Variants in PRSS54 observed in about 807,000 individuals in gnomAD.
PRSS54 encodes inactive serine protease 54.
Under a neutral mutation model 19.9 loss-of-function variants are expected in PRSS54, and 16 were observed. The ratio of observed to expected loss-of-function variants is 0.80; its 90% CI spans 0.54 to 1.22. PRSS54 has a LOEUF of 1.22. PRSS54 is among the 50% of genes most tolerant of loss of function. The pLI is 0.00. For missense variants in PRSS54, 444 were observed against 494.8 expected (o/e 0.90, Z 0.97); for synonymous variants, 177 against 195.8 (o/e 0.90, Z 0.80).
intron 6 of PRSS54, 65 bp from the exon 7 acceptor site, chr16:58,280,822 G>T: frequency 7.0e-7 from 1 of 1,418,454 alleles, no homozygotes; most frequent in Non-Finnish European, 9.5e-7. Context: ...ATCTATCCTT[G>T]TGCAATATAC....
At chr16:58,293,360 C>A (rs1171952807) in intron 3 of PRSS54, among the ~76,000 whole-genome samples, 1 of 152,176 alleles carries the variant, frequency 6.6e-6, no homozygotes, top group Non-Finnish European at 1.5e-5. Context: ...TAGAAGCCCC[C>A]TGCTCCCGGG....
Position 58,286,155 on chromosome 16 carries a change from G to T in PRSS54, c.304C>A (p.Pro102Thr), listed in dbSNP as rs1329628706. The T allele has an allele frequency of 2.5e-6, 4 of 1,614,004 alleles. No homozygotes were observed. The highest frequency in any genetic ancestry group is 1.7e-5 in the Admixed American group (1 of 60,006). ...VVIVGISNMD[P>T]SKIAHTEYPV... is the part of the protein sequence containing the mutation. ...TACTCTGTGTGAGCAATCTTGCTAG[G>T]ATCCATGTTACTTATACCCACTATA... is the stretch of plus-strand genomic sequence containing the variant. Residue 102 changes from proline to threonine, a missense_variant, in exon 5 of 7, where the codon CCT becomes ACT. Transcript: ENST00000567164.
intron 4 of PRSS54, among the ~76,000 whole-genome samples, chr16:58,290,014 T>C (rs973101478): frequency 1.3e-5 from 2 of 151,642 alleles, no homozygotes; most frequent in Non-Finnish European, 2.9e-5. Context: ...ACTCTGTGTG[T>C]GTATATACGT....
chr16:58,288,583 G>T (rs938013588), intron 4 of PRSS54, among the ~76,000 whole-genome samples: 2 of 152,312 alleles, frequency 1.3e-5, no homozygotes, highest in South Asian at 4.1e-4. Context: ...GGGCTAGTTG[G>T]CAGTAGCTCT....
rs1395415882 is a variant in PRSS54 at position 58,290,354 on chromosome 16, TG to T, written c.263+604del. Reference sequence around the variant, plus strand: ...TGTTGATTCCCAAAAATGAAGTCACTGGGTCAAAGAGTGAGAAATATTTACC... The same window carrying T: ...TGTTGATTCCCAAAAATGAAGTCACTGGTCAAAGAGTGAGAAATATTTACC... On this transcript the variant is annotated intron_variant, in intron 4 of 6. Coordinates refer to ENST00000567164, the MANE Select transcript of PRSS54 (RefSeq NM_001305173.2). Among the ~76,000 whole-genome samples, 4 of 152,260 alleles carry T rather than the reference TG, an allele frequency of 2.6e-5. No individual in the cohort carries two copies. The East Asian group carries it at 7.7e-4, about 29-fold the overall frequency.
chr16:58,294,635 C>A (rs1473884826), intron 1 of PRSS54, among the ~76,000 whole-genome samples: 2 of 152,212 alleles, frequency 1.3e-5, no homozygotes, highest in African/African-American at 4.8e-5. Flanking sequence ...CCGCCTCAGT[C>A]TCCCAAAGTG....
chr16:58,288,676 AAAT>A (rs1413831988), intron 4 of PRSS54, among the ~76,000 whole-genome samples: 3 of 152,180 alleles, frequency 2.0e-5, no homozygotes, highest in African/African-American at 7.2e-5. Context: ...CATGTGTGTG[AAAT>A]AATGCGTGTA....
Position 58,284,971 on chromosome 16 carries a change from C to T in PRSS54, c.523-250G>A, listed in dbSNP as rs754515016. ...CTGGGATTATAGGCATGCACCACAA[C>T]GCCCAGCTAATTTTGGTATTTTTAA... is the stretch of plus-strand genomic sequence containing the variant. On this transcript the variant is annotated intron_variant, in intron 5 of 6. Coordinates refer to ENST00000567164, the MANE Select transcript of PRSS54 (RefSeq NM_001305173.2). Among the ~76,000 whole-genome samples the T allele has an allele frequency of 2.6e-5, 4 of 152,046 alleles. No individual in the cohort carries two copies. In the East Asian group the frequency reaches 5.8e-4, roughly 22 times the overall value.
At chr16:58,281,259 C>T (rs754105361) in intron 6 of PRSS54, 3 of 161,088 alleles carry the variant, frequency 1.9e-5, no homozygotes, top group Admixed American at 5.7e-5. Flanking sequence ...CTGCCACATA[C>T]ACTTTATCTA....
In PRSS54 at chr16:58,280,207, G is replaced by T. The variant is rs1567510287; in HGVS notation, c.*17C>A. On this transcript the variant is annotated 3_prime_UTR_variant, in exon 7 of 7. Transcript: ENST00000567164. Reference sequence around the variant, plus strand: ...CATTCTCAGTTTACTCTTCAGTTTGGTGGGGTAGCTCCTGGACTAGATACT... The same window carrying T: ...CATTCTCAGTTTACTCTTCAGTTTGTTGGGGTAGCTCCTGGACTAGATACT... The T allele has an allele frequency of 6.3e-7, 1 of 1,588,886 alleles. No homozygotes were observed. The highest frequency in any genetic ancestry group is 8.6e-7 in the Non-Finnish European group (1 of 1,167,398).
intron 3 of PRSS54, among the ~76,000 whole-genome samples, chr16:58,292,836 C>A (rs1965065376): frequency 6.6e-6 from 1 of 152,208 alleles, no homozygotes; most frequent in African/African-American, 2.4e-5. Context: ...TCTGACCTCA[C>A]AAAACCCTTG....
intron 1 of PRSS54, among the ~76,000 whole-genome samples, chr16:58,294,681 A>T (rs1965108648): frequency 6.6e-6 from 1 of 152,196 alleles, no homozygotes; most frequent in South Asian, 2.1e-4. Context: ...TGCCCGGCCA[A>T]TAGCCTGTAT....
At chr16:58,285,279 G>A (rs1820236) in intron 5 of PRSS54, 111,677 of 154,632 alleles carry the variant, frequency 0.72, 41,315 homozygotes, top group African/African-American at 0.89. Context: ...TTTCCCCAAA[G>A]TGAAAGAAAA....
chr16:58,286,003 G>T lies in PRSS54; in HGVS notation c.456C>A (p.Gly152=). ...AGACTGGTGGTGTATGCAGCATTCT[G>T]CCGAGGAAGCAGATGGACTGGACCA... ...GNLVQSICFL[G]RMLHTPPVLQ... Residue 152 remains glycine, a synonymous_variant, in exon 5 of 7, where the codon GGC becomes GGA. Transcript: ENST00000567164. The T allele has an allele frequency of 6.2e-7, 1 of 1,614,192 alleles. No homozygotes were observed. The highest frequency in any genetic ancestry group is 2.2e-5 in the East Asian group (1 of 44,878).
chr16:58,281,074 A>T (rs979584187), intron 6 of PRSS54: 2 of 305,602 alleles, frequency 6.5e-6, no homozygotes, highest in Non-Finnish European at 1.2e-5. Flanking sequence ...CATTCCTGAA[A>T]TGTTGGTGTT....
At chr16:58,285,806 G>C (rs1305693216) in intron 5 of PRSS54, 131 bp downstream of exon 5, 3 of 977,860 alleles carry the variant, frequency 3.1e-6, no homozygotes, top group African/African-American at 1.6e-5. Flanking sequence ...ATTAGGTAAG[G>C]GTTTCAGCCA....
intron 6 of PRSS54, 49 bp from the exon 7 acceptor site, chr16:58,280,806 T>C: frequency 6.6e-7 from 1 of 1,508,492 alleles, no homozygotes; most frequent in East Asian, 2.3e-5. Flanking sequence ...CTAGTTTTTG[T>C]TGTAAATCTA....
chr16:58,290,926 G>A (rs1189197023), intron 4 of PRSS54, 33 bp downstream of exon 4: 3 of 1,609,528 alleles, frequency 1.9e-6, no homozygotes, highest in Non-Finnish European at 2.5e-6. Context: ...CACCCCCGGC[G>A]ATGTTGCGGG....
At chr16:58,292,156 T>C (rs1178891091) in intron 3 of PRSS54, among the ~76,000 whole-genome samples, 2 of 152,098 alleles carry the variant, frequency 1.3e-5, no homozygotes, top group Non-Finnish European at 2.9e-5. Flanking sequence ...CTTGAACTCC[T>C]CACCTCAAGT....
Sources: allele counts gnomAD v4.1 joint callset (sites outside exome capture counted in the v4.1 genomes callset), GRCh38; gene constraint gnomAD v4.1.1; transcripts MANE v1.5; gene names NCBI Gene and HGNC (gene_info 2026-07-23, HGNC 2026-07-21).